Variants in SLC44A5 observed in about 807,000 individuals in gnomAD.
SLC44A5 encodes the protein solute carrier family 44 member 5.
A neutral mutation model predicts 101.8 loss-of-function variants in SLC44A5; 57 were observed. The ratio of observed to expected loss-of-function variants is 0.56; its 90% CI spans 0.45 to 0.70. The LOEUF (loss-of-function observed/expected upper bound fraction) is 0.70. Among genes scored for constraint, SLC44A5 ranks in the 30% least tolerant of loss-of-function variants. SLC44A5 has a pLI of 0.00. For missense variants in SLC44A5, 737 were observed against 853.1 expected (o/e 0.86, Z 1.70); for synonymous variants, 281 against 290.9 (o/e 0.97, Z 0.35).
chr1:75,408,635 A>G (rs2101491432), intron 2 of SLC44A5, among the ~76,000 whole-genome samples: 1 of 151,034 alleles, frequency 6.6e-6, no homozygotes, highest in Admixed American at 6.6e-5. Flanking sequence ...ACATGTTCTC[A>G]CTCATAAGTG....
At chr1:75,424,233 C>A (rs993569882) in intron 2 of SLC44A5, among the ~76,000 whole-genome samples, 16 of 152,206 alleles carry the variant, frequency 1.1e-4, no homozygotes, top group Non-Finnish European at 1.8e-4. Context: ...AAAGATCTGC[C>A]TACACACCCC....
intron 2 of SLC44A5, among the ~76,000 whole-genome samples, 192 bp downstream of exon 2, chr1:75,541,243 G>A (rs553231464): frequency 1.2e-4 from 18 of 152,184 alleles, no homozygotes; most frequent in Admixed American, 4.6e-4. Context: ...GACGTCATGC[G>A]TCTCAGAATC....
intron 2 of SLC44A5, among the ~76,000 whole-genome samples, chr1:75,495,785 C>CA (rs1381625133): frequency 6.6e-6 from 1 of 151,988 alleles, no homozygotes; most frequent in African/African-American, 2.4e-5. Context: ...GCAATCTCCA[C>CA]AAAAAATTTA....
At chr1:75,367,727 G>A (rs1267498089) in intron 3 of SLC44A5, among the ~76,000 whole-genome samples, 1 of 152,170 alleles carries the variant, frequency 6.6e-6, no homozygotes, top group Non-Finnish European at 1.5e-5. Context: ...CTGTTTCCAG[G>A]TTTGTAGCCA....
intron 5 of SLC44A5, among the ~76,000 whole-genome samples, chr1:75,292,087 G>T (rs1288480429): frequency 6.6e-5 from 10 of 152,026 alleles, no homozygotes; most frequent in African/African-American, 2.4e-4. Context: ...AGCATCTTAG[G>T]ATTTTCTATG....
chr1:75,640,701 T>C, the SLC44A5 span, among the ~76,000 whole-genome samples: 1 of 152,090 alleles, frequency 6.6e-6, no homozygotes, highest in Admixed American at 6.6e-5. Context: ...AGAAGATGCA[T>C]GCAAATATTA....
intron 2 of SLC44A5, among the ~76,000 whole-genome samples, chr1:75,423,653 G>A (rs992172727): frequency 2.0e-5 from 3 of 152,134 alleles, no homozygotes; most frequent in Admixed American, 6.6e-5. Flanking sequence ...TTTGCCTTGC[G>A]TCTTTTGGAA....
In SLC44A5 at chr1:75,364,929, T is replaced by C. The variant is rs571232962; in HGVS notation, c.53-25299A>G. Among the ~76,000 whole-genome samples, 95 of 152,232 alleles carry C rather than the reference T, an allele frequency of 6.2e-4. 1 individual carries two copies. The highest frequency in any genetic ancestry group is 2.3e-3 in the African/African-American group (94 of 41,580). On this transcript the variant is annotated intron_variant, in intron 3 of 23. Transcript: ENST00000370859. ...GTATTTTTATTTCTAGGATTTTTCT[T>C]ATTTATAATTATTTCTATTTTTGTC...
At chr1:75,324,611 G>A (rs1271624662) in intron 4 of SLC44A5, among the ~76,000 whole-genome samples, 9 of 152,174 alleles carry the variant, frequency 5.9e-5, no homozygotes, top group Non-Finnish European at 7.3e-5. Context: ...GGTTCAAGAA[G>A]TGTATGTACA....
At chr1:75,641,776 T>A in the SLC44A5 span, 3 of 1,569,278 alleles carry the variant, frequency 1.9e-6, no homozygotes, top group East Asian at 6.7e-5. Context: ...CCAGTGGAAA[T>A]CCTTTAGAGT....
intron 10 of SLC44A5, 101 bp downstream of exon 10, chr1:75,238,412 A>ATATATATATATG (rs1443013609): frequency 2.4e-5 from 8 of 334,102 alleles, no homozygotes; most frequent in African/African-American, 6.9e-5. Context: ...ATATATATAT[A>ATATATATATATG]TGTGATTATT....
chr1:75,503,609 C>T (rs1324264164), intron 2 of SLC44A5, among the ~76,000 whole-genome samples: 1 of 152,146 alleles, frequency 6.6e-6, no homozygotes, highest in Non-Finnish European at 1.5e-5. Context: ...TTCTTTATAG[C>T]AGTGTGAGAA....
chr1:75,476,066 C>A (rs2101747643), intron 2 of SLC44A5, among the ~76,000 whole-genome samples: 2 of 152,118 alleles, frequency 1.3e-5, no homozygotes, highest in East Asian at 3.9e-4. Context: ...ACCTGTAATC[C>A]CAACTACTCA....
chr1:75,234,239 T>A, intron 11 of SLC44A5, 141 bp from the exon 12 acceptor site: 1 of 655,490 alleles, frequency 1.5e-6, no homozygotes, highest in South Asian at 1.9e-5. Flanking sequence ...TTAATAATGT[T>A]AAAAAGTGTA....
intron 1 of SLC44A5, among the ~76,000 whole-genome samples, chr1:75,576,367 T>G (rs1673364178): frequency 1.3e-5 from 2 of 151,566 alleles, no homozygotes; most frequent in South Asian, 2.1e-4. Flanking sequence ...CAGGCTGGAG[T>G]GCAATGGCGC....
chr1:75,649,409 G>A, the SLC44A5 span, among the ~76,000 whole-genome samples: 2 of 152,112 alleles, frequency 1.3e-5, no homozygotes, highest in Admixed American at 1.3e-4. Flanking sequence ...GTCATGTATG[G>A]TGTTGAAGTT....
intron 3 of SLC44A5, among the ~76,000 whole-genome samples, chr1:75,380,409 G>T (rs1181306716): frequency 1.2e-5 from 1 of 84,310 alleles, no homozygotes; most frequent in Non-Finnish European, 2.1e-5. Flanking sequence ...CAATTCCTTG[G>T]AGTGCCAGTC....
chr1:75,698,139 G>A, the SLC44A5 span, among the ~76,000 whole-genome samples: 2 of 152,198 alleles, frequency 1.3e-5, no homozygotes, highest in African/African-American at 4.8e-5. Context: ...CTCAAATTGG[G>A]TGGAGCCCAC....
intron 2 of SLC44A5, chr1:75,538,248 T>C (rs1671162292): frequency 6.6e-6 from 1 of 152,222 alleles, no homozygotes; most frequent in Non-Finnish European, 1.5e-5. Context: ...TGTTACAGTC[T>C]TTTTTATGTG....
Sources: gnomAD v4.1 joint callset for allele counts (sites outside exome capture counted in the v4.1 genomes callset) on GRCh38, gnomAD v4.1.1 for gene constraint, MANE v1.5 for transcripts, NCBI Gene and HGNC (gene_info 2026-07-23, HGNC 2026-07-21) for gene names.